Variants in CNOT4 observed in about 807,000 individuals in gnomAD.
CNOT4 encodes the protein CCR4-associated factor 4.
A neutral mutation model predicts 73.8 loss-of-function variants in CNOT4; 8 were observed. The ratio of observed to expected loss-of-function variants is 0.11; its 90% CI spans 0.06 to 0.20. CNOT4 has a LOEUF of 0.20. Ranked by LOEUF, CNOT4 falls within the 10% of genes least tolerant of loss-of-function variation. The pLI is 1.00. For synonymous variants in CNOT4, 293 were observed against 321.1 expected (o/e 0.91, Z 0.94); for missense variants, 564 against 883.4 (o/e 0.64, Z 4.58).
At chr7:135,493,081 A>G (rs904759029) in intron 1 of CNOT4, among the ~76,000 whole-genome samples, 1 of 152,180 alleles carries the variant, frequency 6.6e-6, no homozygotes, top group South Asian at 2.1e-4. Flanking sequence ...AGAATGGTGG[A>G]CAACTGCCCC....
chr7:135,502,280 A>G (rs1338150064), intron 1 of CNOT4, among the ~76,000 whole-genome samples: 1 of 152,240 alleles, frequency 6.6e-6, no homozygotes, highest in Non-Finnish European at 1.5e-5. Context: ...GCCTATACAA[A>G]CAGTACACAA....
At chr7:135,468,204 A>C (rs1386237810) in intron 1 of CNOT4, among the ~76,000 whole-genome samples, 1 of 152,112 alleles carries the variant, frequency 6.6e-6, no homozygotes, top group Admixed American at 6.6e-5. Flanking sequence ...CGACAGAGCG[A>C]GACTCTGTCT....
chr7:135,474,739 T>A, intron 1 of CNOT4, among the ~76,000 whole-genome samples: 1 of 152,312 alleles, frequency 6.6e-6, no homozygotes, highest in Middle Eastern at 3.4e-3. Flanking sequence ...GAAAGAAAAT[T>A]CACAAGACCA....
intron 10 of CNOT4, among the ~76,000 whole-genome samples, chr7:135,380,844 T>C (rs1239071575): frequency 1.3e-5 from 2 of 152,206 alleles, no homozygotes; most frequent in Non-Finnish European, 2.9e-5. Context: ...TTTAAAAGGA[T>C]TGTTAAAGAC....
At chr7:135,401,876 C>T (rs1797021234) in intron 7 of CNOT4, among the ~76,000 whole-genome samples, 1 of 152,108 alleles carries the variant, frequency 6.6e-6, no homozygotes, top group Admixed American at 6.5e-5. Context: ...ATGCTGAAGT[C>T]CATAAATACC....
chr7:135,428,516 AG>A (rs1490988397), intron 2 of CNOT4, among the ~76,000 whole-genome samples: 1 of 152,212 alleles, frequency 6.6e-6, no homozygotes, highest in African/African-American at 2.4e-5. Context: ...TAACAGCAAG[AG>A]AAAAAAAAGA....
chr7:135,372,021 G>A (rs1476604999), intron 10 of CNOT4, among the ~76,000 whole-genome samples: 3 of 152,170 alleles, frequency 2.0e-5, no homozygotes, highest in Non-Finnish European at 1.5e-5. Context: ...GTAAAATAAG[G>A]AGACAATACA....
intron 10 of CNOT4, chr7:135,388,292 CAAT>C (rs1796224600): frequency 1.0e-6 from 1 of 985,186 alleles, no homozygotes; most frequent in African/African-American, 1.7e-5. Context: ...CAATCGCCAA[CAAT>C]ATCCTTCTGA....
At chr7:135,366,636 T>C (rs916336646) in intron 10 of CNOT4, among the ~76,000 whole-genome samples, 2 of 152,216 alleles carry the variant, frequency 1.3e-5, no homozygotes, top group African/African-American at 4.8e-5. Context: ...ATCATGTGCC[T>C]TGACATTTTG....
chr7:135,415,030 C>A, intron 4 of CNOT4, 146 bp downstream of exon 4: 1 of 616,570 alleles, frequency 1.6e-6, no homozygotes. Context: ...GCAAAAAATC[C>A]CCCACCCCAC....
At chr7:135,377,647 T>C (rs1213587189) in intron 10 of CNOT4, among the ~76,000 whole-genome samples, 1 of 152,196 alleles carries the variant, frequency 6.6e-6, no homozygotes, top group Non-Finnish European at 1.5e-5. Context: ...TACATACATA[T>C]GATACTCCAG....
intron 10 of CNOT4, among the ~76,000 whole-genome samples, chr7:135,391,807 T>C (rs891947673): frequency 2.0e-5 from 3 of 152,124 alleles, no homozygotes; most frequent in Admixed American, 1.3e-4. Flanking sequence ...ATGATGACTA[T>C]GAAATTGGAA....
chr7:135,382,249 G>A lies in CNOT4; in HGVS notation c.1627+11669C>T, dbSNP rs191994841. Among the ~76,000 whole-genome samples, 8 of 152,230 alleles carry A rather than the reference G, an allele frequency of 5.3e-5. No individual in the cohort carries two copies. In the East Asian group the frequency reaches 1.4e-3, roughly 26 times the overall value. ...AAAAACAGAGTAGAATCTTCTTAAT[G>A]CATCTCAAATTATCAAGAGTGATTC... On this transcript the variant is annotated intron_variant, in intron 10 of 11. Transcript: ENST00000541284.
At chr7:135,375,400 T>C (rs1274383261) in intron 10 of CNOT4, among the ~76,000 whole-genome samples, 1 of 152,180 alleles carries the variant, frequency 6.6e-6, no homozygotes, top group Non-Finnish European at 1.5e-5. Flanking sequence ...TTAACCAAGA[T>C]AAAAAATTTC....
intron 6 of CNOT4, 68 bp downstream of exon 6, chr7:135,413,420 A>T (rs1797685422): frequency 1.9e-6 from 3 of 1,555,084 alleles, no homozygotes; most frequent in Admixed American, 2.0e-5. Context: ...TTGCTTTTGC[A>T]ATGTTAACTA....
intron 1 of CNOT4, 66 bp downstream of exon 1, chr7:135,509,823 A>G (rs533241932): frequency 6.0e-5 from 23 of 385,950 alleles, no homozygotes; most frequent in Non-Finnish European, 8.7e-5. Flanking sequence ...GTCCCAGCGA[A>G]GCCTCCGCTC....
rs1017590665 is a variant in CNOT4, at chr7:135,457,435, A to G, written c.-92-19012T>C. ...GCTTTTGTGGAAAGAAGCATTCTCT[A>G]TGATACACAGTATCTCGCATTGTAA... On this transcript the variant is annotated intron_variant, in intron 1 of 11. Coordinates refer to ENST00000541284, the MANE Select transcript of CNOT4 (RefSeq NM_001190850.2). 3.7e-4 allele frequency among the ~76,000 whole-genome samples: 57 copies of G among 152,228 alleles called. 1 individual carries two copies. The highest frequency in any genetic ancestry group is 3.4e-3 in the Middle Eastern group (1 of 294).
chr7:135,467,088 CA>C (rs1801267889), intron 1 of CNOT4, among the ~76,000 whole-genome samples: 1 of 152,078 alleles, frequency 6.6e-6, no homozygotes, highest in African/African-American at 2.4e-5. Flanking sequence ...CCAGGAAACT[CA>C]AGTTTAACTC....
intron 1 of CNOT4, among the ~76,000 whole-genome samples, chr7:135,463,773 G>A (rs193177364): frequency 9.2e-5 from 14 of 151,590 alleles, no homozygotes; most frequent in African/African-American, 2.9e-4. Flanking sequence ...AAAATATTTG[G>A]AAACTATGCA....
Sources: allele counts gnomAD v4.1 joint callset (sites outside exome capture counted in the v4.1 genomes callset), GRCh38; gene constraint gnomAD v4.1.1; transcripts MANE v1.5; gene names NCBI Gene and HGNC (gene_info 2026-07-23, HGNC 2026-07-21).